Variants in UBR4 observed in about 807,000 individuals in gnomAD.
UBR4 encodes E3 ubiquitin-protein ligase UBR4.
In UBR4, 124 loss-of-function variants were observed where a neutral mutation model predicts 575.6. The observed-to-expected ratio is 0.22, with a 90% CI of 0.19 to 0.25. UBR4 has a LOEUF of 0.25. UBR4 is among the 10% of genes least tolerant of loss of function. The pLI is 1.00. For missense variants in UBR4, 4,818 were observed against 6,478.8 expected (o/e 0.74, Z 8.80); for synonymous variants, 2,455 against 2,473.7 (o/e 0.99, Z 0.22).
rs533858220 is a variant in UBR4 at position 19,148,375 on chromosome 1, A to G, written c.7494+188T>C. 1.5e-4 allele frequency among the ~76,000 whole-genome samples: 23 copies of G among 152,310 alleles called. No homozygotes were observed. The South Asian group carries it at 4.8e-3, about 32-fold the overall frequency. On this transcript the variant is annotated intron_variant, in intron 50 of 105. Transcript: ENST00000375254. The stretch of plus-strand genomic sequence containing the variant: ...ACCAACACGCATCCTATTCTGTGAC[A>G]CACGCTCACTATGGGCCCGAAAAGT...
intron 71 of UBR4, 145 bp from the exon 72 acceptor site, chr1:19,118,055 C>T (rs1557655328): frequency 4.5e-6 from 3 of 663,736 alleles, no homozygotes; most frequent in South Asian, 1.9e-5. Flanking sequence ...CTCAAGGACA[C>T]AGGAGAAATC....
intron 101 of UBR4, among the ~76,000 whole-genome samples, chr1:19,085,726 T>A (rs1227089500): frequency 6.6e-6 from 1 of 152,132 alleles, no homozygotes; most frequent in African/African-American, 2.4e-5. Flanking sequence ...CAGGAAGGCC[T>A]TCTAAGGAGC....
In UBR4 at chr1:19,080,909, C is replaced by T. The variant is rs550657777; in HGVS notation, c.15233+440G>A. On this transcript the variant is annotated intron_variant, in intron 103 of 105. Coordinates refer to ENST00000375254, the MANE Select transcript of UBR4 (RefSeq NM_020765.3). ...GAAGAAAGGTTCATGGAATGTGGGACGCATGGGATAGGAATGTAACCAAGA... is the reference window on the plus strand; with the variant it reads ...GAAGAAAGGTTCATGGAATGTGGGATGCATGGGATAGGAATGTAACCAAGA... 6.2e-5 allele frequency: 10 copies of T among 160,130 alleles called. No homozygotes were observed. The South Asian group carries it at 1.6e-3, about 25-fold the overall frequency. 9.9% of individuals were successfully genotyped at this position (160,130 alleles called of 1,614,324 possible). A position where few individuals can be genotyped will look rare whatever the true frequency, so the allele number is the denominator to read the frequency against.
At chr1:19,151,104 T>C in intron 48 of UBR4, 1 of 423,630 alleles carries the variant, frequency 2.4e-6, no homozygotes, top group Non-Finnish European at 4.3e-6. Context: ...CTCTACACAC[T>C]TTCTTTGTTC....
Position 19,105,063 on chromosome 1 carries a change from G to C in UBR4, c.12630C>G (p.Gly4210=). 6.2e-7 allele frequency: 1 copy of C among 1,613,886 alleles called. No individual in the cohort carries two copies. The highest frequency in any genetic ancestry group is 8.5e-7 in the Non-Finnish European group (1 of 1,179,850). Reference sequence around the variant, plus strand: ...GGTAGGATACCTTGGTGATGAGGTTGCCCACATAGGGTAGGACTCCCCGAG... The same window carrying C: ...GGTAGGATACCTTGGTGATGAGGTTCCCCACATAGGGTAGGACTCCCCGAG... ...LAARGVLPYV[G]NLITKEIARL... The change falls in exon 85 of 106, where the codon GGC becomes GGG. Residue 4210 remains glycine (G), a synonymous_variant. Transcript: ENST00000375254.
At chr1:19,102,629 A>C (rs2078757190) in intron 87 of UBR4, among the ~76,000 whole-genome samples, 1 of 152,214 alleles carries the variant, frequency 6.6e-6, no homozygotes, top group Non-Finnish European at 1.5e-5. Flanking sequence ...GCCATAAACT[A>C]AGAGAAATCG....
At chr1:19,167,943 A>C (rs572943304) in intron 28 of UBR4, 84 bp downstream of exon 28, 1 of 1,377,044 alleles carries the variant, frequency 7.3e-7, no homozygotes, top group East Asian at 2.5e-5. Flanking sequence ...GCATTACTAC[A>C]TAGTTATAAA....
chr1:19,197,701 T>C lies in UBR4; in HGVS notation c.862A>G (p.Thr288Ala), dbSNP rs372883046. 8 of 1,614,088 alleles carry C rather than the reference T, an allele frequency of 5.0e-6. No individual in the cohort carries two copies. Among genetic ancestry groups the C allele is most frequent in the African/African-American group, 1.3e-5 (1 of 74,954 alleles). ...CGAACAGCAGTGGCATCTGCTACTG[T>C]TGCAGGCATTATGAAGAAGGAATTA... ...LANSFFIMPA[T>A]VADATAVRNG... The change falls in exon 7 of 106, where the codon ACA becomes GCA. Residue 288 changes from threonine to alanine, a missense_variant. Physicochemically the swap from Thr to Ala is moderately conservative, Grantham distance 58. This residue lies in a region of UBR4 where 131 missense variants were observed against 214.5 expected (regional missense o/e 0.61). Coordinates refer to ENST00000375254, the MANE Select transcript of UBR4 (RefSeq NM_020765.3).
chr1:19,187,566 A>C, intron 11 of UBR4, 26 bp from the exon 12 acceptor site: 1 of 1,597,104 alleles, frequency 6.3e-7, no homozygotes, highest in Non-Finnish European at 8.6e-7. Flanking sequence ...GGAAAACACA[A>C]TCCTTAAAAT....
At chr1:19,173,133 G>A in intron 24 of UBR4, 40 bp from the exon 25 acceptor site, 6 of 1,613,808 alleles carry the variant, frequency 3.7e-6, no homozygotes, top group Non-Finnish European at 5.1e-6. Flanking sequence ...GTGGCAATGG[G>A]CTATGGTAGA....
chr1:19,131,117 C>G (rs1570871649), intron 60 of UBR4, among the ~76,000 whole-genome samples: 1 of 151,638 alleles, frequency 6.6e-6, no homozygotes, highest in Non-Finnish European at 1.5e-5. Context: ...CTATGTTGCC[C>G]AGGCTGATCT....
Position 19,175,024 on chromosome 1 carries a change from G to A in UBR4, c.2783C>T (p.Pro928Leu), listed in dbSNP as rs367603180. Reference protein sequence around the residue: ...WSKHFSSDAVPHPRFYCVLSP... With the variant: ...WSKHFSSDAVLHPRFYCVLSP... ...CAGGACACAGTAGAATCTGGGGTGTGGGACAGCATCTGAAAAGTAATATGC... is the reference window on the plus strand; with the variant it reads ...CAGGACACAGTAGAATCTGGGGTGTAGGACAGCATCTGAAAAGTAATATGC... The change falls in exon 21 of 106, where the codon CCA becomes CTA. Residue 928 changes from proline to leucine, a missense_variant. Physicochemically the swap from Pro to Leu is moderately conservative, Grantham distance 98. Coordinates refer to ENST00000375254, the MANE Select transcript of UBR4 (RefSeq NM_020765.3). 2 of 1,613,518 alleles carry A rather than the reference G, an allele frequency of 1.2e-6. No homozygotes were observed. The highest frequency in any genetic ancestry group is 2.7e-5 in the African/African-American group (2 of 74,900).
chr1:19,097,161 C>A (rs2078148938), intron 91 of UBR4, 32 bp downstream of exon 91: 11 of 1,584,618 alleles, frequency 6.9e-6, no homozygotes, highest in Non-Finnish European at 9.4e-6. Context: ...GAGTCCCAAG[C>A]CTCAGATCCA....
intron 65 of UBR4, among the ~76,000 whole-genome samples, chr1:19,123,449 C>CT (rs2081383909): frequency 2.8e-5 from 2 of 72,006 alleles, no homozygotes; most frequent in African/African-American, 1.4e-4. Context: ...GAGACTTGGT[C>CT]TTAAAAAAAA....
In UBR4 at chr1:19,121,302, G is replaced by C. The variant is rs1570733349; in HGVS notation, c.10028C>G (p.Ser3343Cys). The C allele has an allele frequency of 4.3e-6, 7 of 1,614,214 alleles. No homozygotes were observed. Among genetic ancestry groups the C allele is most frequent in the Non-Finnish European group, 5.9e-6 (7 of 1,180,032 alleles). The change falls in exon 68 of 106, where the codon TCC becomes TGC. Residue 3343 changes from serine (S) to cysteine (C), a missense_variant. By Grantham distance (112) the Ser-to-Cys change is moderately radical. Around this residue, in one of 29 missense-constraint regions of UBR4, gnomAD observed 550 missense variants for 791.5 expected, o/e 0.69. Transcript: ENST00000375254. ...AGGGGCTGAGGAGGAAGAAGCACTG[G>C]AGGATCCCGAAGAGGCTGCCAGTGC... The part of the protein sequence containing the change: ...LAALAASSGS[S>C]SASSSSAPVA...
In UBR4 at chr1:19,076,797, T is replaced by A; in HGVS notation, c.15430A>T (p.Thr5144Ser). 6.2e-7 allele frequency: 1 copy of A among 1,613,426 alleles called. No individual in the cohort carries two copies. Among genetic ancestry groups the A allele is most frequent in the Non-Finnish European group, 8.5e-7 (1 of 1,179,828 alleles). Residue 5144 changes from threonine (T) to serine (S), a missense_variant, in exon 105 of 106, where the codon ACC becomes TCC. Physicochemically the swap from Thr to Ser is moderately conservative, Grantham distance 58 (BLOSUM62 1). Around this residue, in one of 29 missense-constraint regions of UBR4, gnomAD observed 212 missense variants for 221.3 expected, o/e 0.96. Transcript: ENST00000375254. Reference protein sequence around the residue: ...IYEAADKALKTFQEEFMPVET... With the variant: ...IYEAADKALKSFQEEFMPVET... ...ACTGGCATGAACTCCTCCTGGAAGG[T>A]TTTCAGGGCTTTGTCGGCAGCTTCG...
chr1:19,157,486 G>A lies in UBR4; in HGVS notation c.5760+329C>T, dbSNP rs528805213. Among the ~76,000 whole-genome samples, 1 of 152,190 alleles carries A rather than the reference G, an allele frequency of 6.6e-6. No individual in the cohort carries two copies. Among genetic ancestry groups the A allele is most frequent in the Non-Finnish European group, 1.5e-5 (1 of 68,038 alleles). ...AACTTTTGTCTCTCAGCTTATGCCC[G>A]CCAGAGTGACCAAACAGGGCAAGAC... On this transcript the variant is annotated intron_variant, in intron 40 of 105. Coordinates refer to ENST00000375254, the MANE Select transcript of UBR4 (RefSeq NM_020765.3). This position sits in a 1 kb window ranked among gnomAD's most constrained non-coding sequence, Gnocchi z 4.4.
Position 19,117,703 on chromosome 1 carries a change from C to T in UBR4, c.10629+120G>A. On this transcript the variant is annotated intron_variant, in intron 72 of 105. Coordinates refer to ENST00000375254, the MANE Select transcript of UBR4 (RefSeq NM_020765.3). This position sits in a 1 kb window ranked among gnomAD's most constrained non-coding sequence, Gnocchi z 4.0. ...TAATAAATGTGGCAGATAAAAATTC[C>T]TACTATCGGTGACCAACCATTAGGA... 9.4e-7 allele frequency: 1 copy of T among 1,058,958 alleles called. No individual in the cohort carries two copies. Among genetic ancestry groups the T allele is most frequent in the Non-Finnish European group, 1.4e-6 (1 of 708,632 alleles). 65.6% of individuals were successfully genotyped at this position (1,058,958 alleles called of 1,614,324 possible).
intron 1 of UBR4, among the ~76,000 whole-genome samples, chr1:19,204,686 C>T (rs1487402024): frequency 2.0e-5 from 3 of 151,986 alleles, no homozygotes; most frequent in Admixed American, 6.6e-5. Context: ...GAAAGATAGA[C>T]ATTGGCAGAG....
Sources: allele counts gnomAD v4.1 joint callset (sites outside exome capture counted in the v4.1 genomes callset), GRCh38; gene constraint gnomAD v4.1.1; regional missense constraint gnomAD v4.1.1; non-coding constraint Gnocchi (gnomAD v3.1); transcripts MANE v1.5; gene names NCBI Gene and HGNC (gene_info 2026-07-23, HGNC 2026-07-21).